PDZRN3: variants seen among roughly 807,000 people sequenced by gnomAD.
PDZRN3 encodes the protein PDZ domain containing ring finger 3.
Under a neutral mutation model 85.7 loss-of-function variants are expected in PDZRN3, and 38 were observed. That is an observed-to-expected ratio of 0.44 (90% CI 0.34 to 0.58). PDZRN3 has a LOEUF of 0.58. Ranked by LOEUF, PDZRN3 falls within the 20% of genes least tolerant of loss-of-function variation. The probability of loss-of-function intolerance (pLI) is 0.01; values close to 1 mark genes in which losing one functional copy is unlikely to be tolerated. For missense variants in PDZRN3, 1,629 were observed against 1,506.4 expected, an observed-to-expected ratio of 1.08 and a Z score of -1.35; for synonymous variants, 759 against 638.0, an observed-to-expected ratio of 1.19 and a Z score of -2.86.
At chr3:73,604,246 TGC>T (rs1346671195) in intron 2 of PDZRN3, among the ~76,000 whole-genome samples, 4 of 152,228 alleles carry the variant, frequency 2.6e-5, no homozygotes, top group African/African-American at 9.6e-5. Context: ...GCTCCCTACA[TGC>T]ACACCTGAAA....
intron 3 of PDZRN3, among the ~76,000 whole-genome samples, chr3:73,538,171 C>G (rs1458497013): frequency 6.6e-6 from 1 of 152,194 alleles, no homozygotes; most frequent in South Asian, 2.1e-4. Context: ...ATGATACATT[C>G]TACTTTAATT....
At chr3:73,420,506 A>ATTGTT (rs1702178173) in intron 3 of PDZRN3, among the ~76,000 whole-genome samples, 1 of 152,134 alleles carries the variant, frequency 6.6e-6, no homozygotes, top group Admixed American at 6.5e-5. Flanking sequence ...ACCACCATAT[A>ATTGTT]TTGTTTTTAA....
chr3:73,428,745 G>A (rs1393750120), intron 3 of PDZRN3, among the ~76,000 whole-genome samples: 2 of 152,104 alleles, frequency 1.3e-5, no homozygotes, highest in African/African-American at 4.8e-5. Flanking sequence ...CAACATAAAA[G>A]TGGTTTATAA....
chr3:73,528,933 G>C (rs948333101), intron 3 of PDZRN3, among the ~76,000 whole-genome samples: 4 of 150,084 alleles, frequency 2.7e-5, no homozygotes, highest in Non-Finnish European at 5.9e-5. Context: ...TGCACACACA[G>C]AGCAAACCTT....
At chr3:73,507,647 T>C (rs1347749504) in intron 3 of PDZRN3, among the ~76,000 whole-genome samples, 1 of 152,232 alleles carries the variant, frequency 6.6e-6, no homozygotes, top group Non-Finnish European at 1.5e-5. Flanking sequence ...CAGGTCTAAT[T>C]AGAATCAGCC....
intron 1 of PDZRN3, among the ~76,000 whole-genome samples, chr3:73,613,027 C>T (rs1278532494): frequency 6.6e-6 from 1 of 152,206 alleles, no homozygotes; most frequent in Non-Finnish European, 1.5e-5. Context: ...TGGAGAATGC[C>T]TAATCTCACT....
rs758005771 is a variant in PDZRN3 at position 73,384,648 on chromosome 3, C to G, written c.1918G>C (p.Val640Leu). Residue 640 changes from valine (V) to leucine (L), a missense_variant, in exon 10 of 10, where the codon GTG becomes CTG. Coordinates refer to ENST00000263666, the MANE Select transcript of PDZRN3 (RefSeq NM_015009.3). ...TCGCGGAAGCGCTCGCACTCGTCCA[C>G]CGGGATCCCCAGGTAGTCGGCGTCC... ...CTDADYLGIP[V>L]DECERFRELL... The G allele has an allele frequency of 1.9e-6, 3 of 1,613,806 alleles. No individual in the cohort carries two copies. The highest frequency in any genetic ancestry group is 1.7e-6 in the Non-Finnish European group (2 of 1,180,044).
intron 5 of PDZRN3, among the ~76,000 whole-genome samples, chr3:73,396,770 T>C: frequency 6.6e-6 from 1 of 152,212 alleles, no homozygotes; most frequent in East Asian, 1.9e-4. Flanking sequence ...CCTGGGAAAT[T>C]AAAACAATAG....
At chr3:73,598,027 T>C (rs990392480) in intron 3 of PDZRN3, among the ~76,000 whole-genome samples, 2 of 152,110 alleles carry the variant, frequency 1.3e-5, no homozygotes, top group Admixed American at 6.5e-5. Flanking sequence ...GTAATATTGA[T>C]CTTATGTGAT....
At chr3:73,504,465 C>T (rs1010095922) in intron 3 of PDZRN3, among the ~76,000 whole-genome samples, 1 of 152,162 alleles carries the variant, frequency 6.6e-6, no homozygotes, top group Non-Finnish European at 1.5e-5. Context: ...TCCATGACAA[C>T]CTTCCTGGTT....
intron 3 of PDZRN3, among the ~76,000 whole-genome samples, chr3:73,446,553 C>T (rs968218360): frequency 2.6e-5 from 4 of 152,246 alleles, no homozygotes; most frequent in Admixed American, 2.0e-4. Context: ...TTAGACATAA[C>T]CTCAGGAGTT....
At chr3:73,576,116 A>T (rs1022955302) in intron 3 of PDZRN3, among the ~76,000 whole-genome samples, 4 of 151,868 alleles carry the variant, frequency 2.6e-5, no homozygotes, top group South Asian at 2.1e-4. Flanking sequence ...ACTCTCTCTC[A>T]CACACACACA....
chr3:73,469,775 A>G lies in PDZRN3; in HGVS notation c.919-65380T>C, dbSNP rs917190282. Among the ~76,000 whole-genome samples the G allele has an allele frequency of 2.0e-5, 3 of 152,152 alleles. No individual in the cohort carries two copies. The East Asian group carries it at 5.8e-4, about 29-fold the overall frequency. On this transcript the variant is annotated intron_variant, in intron 3 of 9. Transcript: ENST00000263666. ...GTTTTCTTTGCAGGATGGAAATTAA[A>G]ACAAAGTGCTATTTACATGGCACCC...
At chr3:73,590,369 A>G (rs765665791) in intron 3 of PDZRN3, among the ~76,000 whole-genome samples, 20 of 151,854 alleles carry the variant, frequency 1.3e-4, no homozygotes, top group Non-Finnish European at 2.8e-4. Context: ...CTTCATTAAA[A>G]TGCAAATACC....
intron 8 of PDZRN3, among the ~76,000 whole-genome samples, chr3:73,387,749 C>T (rs757408269): frequency 2.0e-5 from 3 of 152,044 alleles, no homozygotes; most frequent in Non-Finnish European, 2.9e-5. Flanking sequence ...CATTAATGAA[C>T]GTCGTGGGCC....
chr3:73,536,592 T>A (rs1247531984), intron 3 of PDZRN3, among the ~76,000 whole-genome samples: 1 of 152,214 alleles, frequency 6.6e-6, no homozygotes, highest in African/African-American at 2.4e-5. Context: ...ATCTGGAGCA[T>A]TGAGAACTTA....
In PDZRN3 at chr3:73,400,934, C is replaced by G. The variant is rs762156050; in HGVS notation, c.1242G>C (p.Glu414Asp). 1.2e-6 allele frequency: 2 copies of G among 1,611,164 alleles called. No homozygotes were observed. The highest frequency in any genetic ancestry group is 1.7e-6 in the Non-Finnish European group (2 of 1,177,382). The change falls in exon 5 of 10, where the codon GAG becomes GAC. Residue 414 changes from glutamate to aspartate, a missense_variant. By Grantham distance (45) the Glu-to-Asp change is conservative (BLOSUM62 2). Transcript: ENST00000263666. ...ATGTTCTTCATACCTCCAGCTCCAG[C>G]TCCTCCCTGTCCATCTCCTGATGGA... is the stretch of plus-strand genomic sequence containing the variant. ...GDIHQEMDRE[E>D]LELEEVDLYR...
chr3:73,526,600 G>T (rs1249546262), intron 3 of PDZRN3, among the ~76,000 whole-genome samples: 1 of 152,322 alleles, frequency 6.6e-6, no homozygotes, highest in Non-Finnish European at 1.5e-5. Context: ...ATTATGAACT[G>T]AGGACATACA....
At chr3:73,445,723 C>A (rs991561713) in intron 3 of PDZRN3, among the ~76,000 whole-genome samples, 2 of 152,148 alleles carry the variant, frequency 1.3e-5, no homozygotes, top group Non-Finnish European at 2.9e-5. Context: ...GTAAGAACTA[C>A]TGATGTTGTA....
Sources: gnomAD v4.1 joint callset for allele counts (sites outside exome capture counted in the v4.1 genomes callset) on GRCh38, gnomAD v4.1.1 for gene constraint, MANE v1.5 for transcripts, NCBI Gene and HGNC (gene_info 2026-07-23, HGNC 2026-07-21) for gene names.